ADK: variants seen among roughly 807,000 people sequenced by gnomAD.
The protein encoded by ADK is N6,N6-dimethyladenosine kinase.
ADK carries 24 observed loss-of-function variants against 44.7 expected under a neutral mutation model. That is an observed-to-expected ratio of 0.54 (90% confidence interval 0.39 to 0.76). The LOEUF is 0.76. Among genes scored for constraint, ADK ranks in the 30% least tolerant of loss-of-function variants. The probability of loss-of-function intolerance (pLI) is 0.00; values close to 1 mark genes in which losing one functional copy is unlikely to be tolerated. For missense variants in ADK, 321 were observed against 425.1 expected, an observed-to-expected ratio of 0.76 and a Z score of 2.15; for synonymous variants, 128 against 142.6, an observed-to-expected ratio of 0.90 and a Z score of 0.73.
At chr10:74,243,249 C>G (rs1845292852) in intron 3 of ADK, among the ~76,000 whole-genome samples, 1 of 152,210 alleles carries the variant, frequency 6.6e-6, no homozygotes. Flanking sequence ...CTCTCGCTGG[C>G]TCCTGGAGCA....
At chr10:74,468,568 C>A (rs756496654) in intron 6 of ADK, among the ~76,000 whole-genome samples, 4 of 152,060 alleles carry the variant, frequency 2.6e-5, no homozygotes, top group Non-Finnish European at 5.9e-5. Context: ...CAAATTGGGC[C>A]TCAGATATTA....
intron 6 of ADK, among the ~76,000 whole-genome samples, chr10:74,511,026 T>G (rs1848298750): frequency 6.6e-6 from 1 of 152,190 alleles, no homozygotes; most frequent in South Asian, 2.1e-4. Context: ...CCACTTTGAG[T>G]TGATTTTTGC....
intron 9 of ADK, among the ~76,000 whole-genome samples, chr10:74,659,462 CAA>C (rs1554894182): frequency 1.3e-5 from 2 of 152,136 alleles, no homozygotes; most frequent in Non-Finnish European, 1.5e-5. Context: ...TTACCACAAA[CAA>C]TGATGTAGAG....
chr10:74,532,639 G>A (rs12269424), intron 7 of ADK, among the ~76,000 whole-genome samples: 7,029 of 152,098 alleles, frequency 0.046, 566 homozygotes, highest in African/African-American at 0.16. Flanking sequence ...AGTGCATCAC[G>A]CCTGTAATCC....
At chr10:74,200,186 A>G (rs538360751) in intron 1 of ADK, among the ~76,000 whole-genome samples, 2 of 37,032 alleles carry the variant, frequency 5.4e-5, no homozygotes, top group South Asian at 1.4e-3. Flanking sequence ...TTGACTCTTT[A>G]GTAATAGTTA....
intron 1 of ADK, among the ~76,000 whole-genome samples, chr10:74,152,448 C>G (rs76534290): frequency 0.019 from 2,963 of 152,186 alleles, 45 homozygotes; most frequent in Middle Eastern, 0.027. Context: ...TAAAAAGCAA[C>G]GGCTTTTGAA....
intron 4 of ADK, among the ~76,000 whole-genome samples, chr10:74,325,009 AT>A (rs1185199044): frequency 6.6e-6 from 1 of 151,888 alleles, no homozygotes; most frequent in Non-Finnish European, 1.5e-5. Context: ...GAATTTTAGA[AT>A]TTTTTTTCTA....
At chr10:74,644,353 A>G (rs1268812642) in intron 9 of ADK, among the ~76,000 whole-genome samples, 1 of 152,250 alleles carries the variant, frequency 6.6e-6, no homozygotes, top group Non-Finnish European at 1.5e-5. Flanking sequence ...AGTTCAGTTA[A>G]GAGGGGCAAT....
intron 6 of ADK, among the ~76,000 whole-genome samples, chr10:74,463,339 G>A (rs924461470): frequency 2.0e-5 from 3 of 152,110 alleles, no homozygotes; most frequent in Non-Finnish European, 4.4e-5. Flanking sequence ...ATCAGTGGGA[G>A]CTCTGAACTT....
chr10:74,470,447 T>C (rs538703810), intron 6 of ADK, among the ~76,000 whole-genome samples: 1 of 152,162 alleles, frequency 6.6e-6, no homozygotes, highest in East Asian at 1.9e-4. Flanking sequence ...TGTTTTCAGA[T>C]CTTTTGGATA....
At chr10:74,398,719 C>A (rs1843609910) in intron 6 of ADK, 140 bp downstream of exon 6, 1 of 509,366 alleles carries the variant, frequency 2.0e-6, no homozygotes, top group Non-Finnish European at 3.4e-6. Context: ...GTTAGATTCA[C>A]TATTGTGAAA....
intron 6 of ADK, among the ~76,000 whole-genome samples, chr10:74,502,976 C>T (rs1450322093): frequency 2.6e-5 from 4 of 152,162 alleles, no homozygotes; most frequent in Non-Finnish European, 4.4e-5. Flanking sequence ...GCTACACTCT[C>T]ATTACCACAC....
intron 9 of ADK, among the ~76,000 whole-genome samples, chr10:74,616,487 T>G (rs942623558): frequency 6.6e-6 from 1 of 152,242 alleles, no homozygotes; most frequent in Admixed American, 6.5e-5. Flanking sequence ...AGGAATATCC[T>G]TTCCCTAACT....
intron 4 of ADK, 64 bp downstream of exon 4, chr10:74,314,809 A>G (rs1840560599): frequency 1.6e-6 from 2 of 1,242,632 alleles, no homozygotes; most frequent in Non-Finnish European, 1.2e-6. Flanking sequence ...TCTATTTTGC[A>G]TAATTGTTTC....
At chr10:74,208,266 C>T (rs1171474696) in intron 2 of ADK, among the ~76,000 whole-genome samples, 1 of 152,254 alleles carries the variant, frequency 6.6e-6, no homozygotes, top group Non-Finnish European at 1.5e-5. Flanking sequence ...GGCTCCAGCC[C>T]TGCCAACTTG....
At chr10:74,347,533 G>A (rs557642439) in intron 4 of ADK, among the ~76,000 whole-genome samples, 22 of 151,842 alleles carry the variant, frequency 1.4e-4, no homozygotes, top group Admixed American at 2.0e-4. Flanking sequence ...GTTTTTTTTC[G>A]TACCCCAGTG....
At chr10:74,354,671 A>G (rs1296995125) in intron 4 of ADK, among the ~76,000 whole-genome samples, 1 of 152,212 alleles carries the variant, frequency 6.6e-6, no homozygotes, top group African/African-American at 2.4e-5. Context: ...TGAAGGGTCT[A>G]CTCCATGTTC....
At chr10:74,475,917 A>G (rs1846818637) in intron 6 of ADK, among the ~76,000 whole-genome samples, 2 of 152,192 alleles carry the variant, frequency 1.3e-5, no homozygotes, top group African/African-American at 4.8e-5. Flanking sequence ...AATTGCTTCT[A>G]GGTTCTCTCA....
At chr10:74,195,707 C>CTTTTTTTTTTTTTT (rs71475265) in intron 1 of ADK, among the ~76,000 whole-genome samples, 8 of 97,516 alleles carry the variant, frequency 8.2e-5, no homozygotes, top group Non-Finnish European at 9.7e-5. Flanking sequence ...TCTTTTCTTT[C>CTTTTTTTTTTTTTT]TTTTTTTTTT....
Sources: gnomAD v4.1 joint callset for allele counts (sites outside exome capture counted in the v4.1 genomes callset) on GRCh38, gnomAD v4.1.1 for gene constraint, MANE v1.5 for transcripts, NCBI Gene and HGNC (gene_info 2026-07-23, HGNC 2026-07-21) for gene names.